CADM3: variants seen among roughly 807,000 people sequenced by gnomAD.
CADM3 encodes the protein cell adhesion molecule 3.
A neutral mutation model predicts 44.9 loss-of-function variants in CADM3; 11 were observed. The ratio of observed to expected loss-of-function variants is 0.25; its 90% confidence interval spans 0.15 to 0.41. CADM3 has a LOEUF of 0.41. CADM3 is among the 10% of genes least tolerant of loss of function. The pLI is 1.00. For synonymous variants in CADM3, 207 were observed against 205.2 expected, an observed-to-expected ratio of 1.01 and a Z score of -0.08; for missense variants, 426 against 512.0, an observed-to-expected ratio of 0.83 and a Z score of 1.62.
chr1:159,173,026 G>A (rs1364286127), intron 1 of CADM3, among the ~76,000 whole-genome samples: 1 of 152,134 alleles, frequency 6.6e-6, no homozygotes, highest in African/African-American at 2.4e-5. Flanking sequence ...TGTCGGAAGA[G>A]GAGGAGGGCT....
chr1:159,177,249 A>C (rs1443909862), intron 1 of CADM3, among the ~76,000 whole-genome samples: 2 of 152,136 alleles, frequency 1.3e-5, no homozygotes, highest in African/African-American at 2.4e-5. Context: ...TTTTCAGCAC[A>C]GTCTCTTGAC....
intron 2 of CADM3, 141 bp from the exon 3 acceptor site, chr1:159,192,437 A>T: frequency 2.2e-6 from 2 of 895,540 alleles, no homozygotes; most frequent in East Asian, 2.6e-5. Context: ...TAACTTAAAG[A>T]CTGCTTAAAC....
chr1:159,182,202 C>A (rs1476000234), intron 1 of CADM3, among the ~76,000 whole-genome samples: 1 of 152,148 alleles, frequency 6.6e-6, no homozygotes, highest in Non-Finnish European at 1.5e-5. Flanking sequence ...GCCGGTAAAG[C>A]CCTGAAGTGT....
intron 2 of CADM3, 39 bp downstream of exon 2, chr1:159,192,115 G>A (rs1571019291): frequency 6.2e-7 from 1 of 1,607,948 alleles, no homozygotes; most frequent in Non-Finnish European, 8.5e-7. Flanking sequence ...TGAAAACCAT[G>A]GGCTAGAGAA....
At chr1:159,191,645 G>T (rs559463853) in intron 1 of CADM3, among the ~76,000 whole-genome samples, 2 of 152,326 alleles carry the variant, frequency 1.3e-5, no homozygotes, top group South Asian at 4.1e-4. Context: ...TGCAGATTTG[G>T]GGTGCCTTTA....
chr1:159,196,138 G>A (rs770122879), intron 5 of CADM3: 64 of 522,448 alleles, frequency 1.2e-4, no homozygotes, highest in Non-Finnish European at 2.2e-4. Flanking sequence ...GGCCCACCAA[G>A]GACAGACCTT....
intron 1 of CADM3, among the ~76,000 whole-genome samples, chr1:159,185,885 C>T (rs1365368076): frequency 1.3e-5 from 2 of 152,142 alleles, no homozygotes; most frequent in African/African-American, 4.8e-5. Context: ...ATGCATCAGA[C>T]CCTACCTATG....
At chr1:159,199,606 G>T in intron 7 of CADM3, 145 bp from the exon 8 acceptor site, 2 of 981,068 alleles carry the variant, frequency 2.0e-6, no homozygotes, top group Non-Finnish European at 3.2e-6. Flanking sequence ...ATAAGCACAA[G>T]ATAAGGCATG....
At chr1:159,196,220 T>G in intron 5 of CADM3, 144 bp from the exon 6 acceptor site, 1 of 617,980 alleles carries the variant, frequency 1.6e-6, no homozygotes, top group Non-Finnish European at 2.9e-6. Flanking sequence ...TCCTTGTTCA[T>G]GAGAAGTAGG....
In CADM3 at chr1:159,197,069, T is replaced by C. The variant is rs200434362; in HGVS notation, c.952+9T>C. 6.2e-7 allele frequency: 1 copy of C among 1,611,908 alleles called. No homozygotes were observed. The highest frequency in any genetic ancestry group is 8.5e-7 in the Non-Finnish European group (1 of 1,178,406). ...CACCCTCAATGTTAATGGTAAGCCC[T>C]CCTCAGTTCTCTTCCTCCAGAATCT... On this transcript the variant is annotated intron_variant, in intron 7 of 8. Coordinates refer to ENST00000368125, the MANE Select transcript of CADM3 (RefSeq NM_001127173.3).
intron 1 of CADM3, among the ~76,000 whole-genome samples, chr1:159,183,662 G>A (rs1398546805): frequency 1.3e-5 from 2 of 152,054 alleles, no homozygotes; most frequent in African/African-American, 2.4e-5. Context: ...TCCCTGAGGA[G>A]CAATGAAAAA....
chr1:159,180,506 T>C (rs34702074), intron 1 of CADM3, among the ~76,000 whole-genome samples: 3 of 152,206 alleles, frequency 2.0e-5, no homozygotes, highest in Non-Finnish European at 4.4e-5. Flanking sequence ...AGAATGTATC[T>C]ATTTCACAGA....
In CADM3 at chr1:159,201,042, C is replaced by G; in HGVS notation, c.*120C>G. 1 of 553,364 alleles carries G rather than the reference C, an allele frequency of 1.8e-6. No homozygotes were observed. The highest frequency in any genetic ancestry group is 3.1e-6 in the Non-Finnish European group (1 of 322,588). 34.3% of individuals were successfully genotyped at this position (553,364 alleles called of 1,614,324 possible). On this transcript the variant is annotated 3_prime_UTR_variant, in exon 9 of 9. Coordinates refer to ENST00000368125, the MANE Select transcript of CADM3 (RefSeq NM_001127173.3). ...CCCCTCCCGCTTGCTCCCCAGCCCA[C>G]CCACCCCCCTGTACAGAATGTCTGC...
chr1:159,187,216 C>A (rs1649452294), intron 1 of CADM3, among the ~76,000 whole-genome samples: 1 of 152,200 alleles, frequency 6.6e-6, no homozygotes, highest in African/African-American at 2.4e-5. Context: ...CCAAGTGTGG[C>A]TGAATGAATT....
Position 159,199,870 on chromosome 1 carries a change from C to T in CADM3, c.1072C>T (p.His358Tyr), listed in dbSNP as rs1338483236. The change falls in exon 8 of 9, where the codon CAC (histidine) becomes TAC (tyrosine). Residue 358 changes from histidine (H) to tyrosine (Y), a missense_variant. By Grantham distance (83) the His-to-Tyr change is moderately conservative (BLOSUM62 2). This residue lies in a region of CADM3 where 362 missense variants were observed against 474.6 expected (regional missense o/e 0.76). Coordinates refer to ENST00000368125, the MANE Select transcript of CADM3 (RefSeq NM_001127173.3). ...LIFLGHYLIR[H>Y]KGTYLTHEAK... is the part of the protein sequence containing the mutation. ...CTTCCTTGGCCACTACTTGATCCGG[C>T]ACAAAGGTCAGAGGCACAAAGAGAG... is the stretch of plus-strand genomic sequence containing the variant. 2 of 1,613,806 alleles carry T rather than the reference C, an allele frequency of 1.2e-6. No homozygotes were observed. The highest frequency in any genetic ancestry group is 1.7e-6 in the Non-Finnish European group (2 of 1,179,904).
chr1:159,178,924 T>A (rs1649129078), intron 1 of CADM3, among the ~76,000 whole-genome samples: 1 of 152,212 alleles, frequency 6.6e-6, no homozygotes, highest in Non-Finnish European at 1.5e-5. Context: ...CAGCAGAGTC[T>A]AGTTGGAGAG....
chr1:159,192,654 G>A lies in CADM3; in HGVS notation c.306G>A (p.Leu102=). ...GCATCAGCATCAGCAATGTGGCCCT[G>A]GCAGACGAGGGCGAGTACACCTGCT... ...ELSISISNVA[L]ADEGEYTCSI... Residue 102 remains leucine, a synonymous_variant, in exon 3 of 9, where the codon CTG becomes CTA. Transcript: ENST00000368125. The A allele has an allele frequency of 6.2e-7, 1 of 1,614,140 alleles. No individual in the cohort carries two copies. The highest frequency in any genetic ancestry group is 8.5e-7 in the Non-Finnish European group (1 of 1,180,022).
At chr1:159,192,449 C>G (rs1649704253) in intron 2 of CADM3, 129 bp from the exon 3 acceptor site, 2 of 1,017,758 alleles carry the variant, frequency 2.0e-6, no homozygotes, top group African/African-American at 3.2e-5. Context: ...TGCTTAAACT[C>G]AGGAGCAGTT....
Position 159,171,676 on chromosome 1 carries a change from G to A in CADM3, c.-90G>A. ...GAAGCGGCTCGGGGGCGCCCTTTCGGTCAACATCGTAGTCCACCCCCTCCC... is the reference window on the plus strand; with the variant it reads ...GAAGCGGCTCGGGGGCGCCCTTTCGATCAACATCGTAGTCCACCCCCTCCC... On this transcript the variant is annotated 5_prime_UTR_variant, in exon 1 of 9. Coordinates refer to ENST00000368125, the MANE Select transcript of CADM3 (RefSeq NM_001127173.3). 8 of 1,027,280 alleles carry A rather than the reference G, an allele frequency of 7.8e-6. No homozygotes were observed. Among genetic ancestry groups the A allele is most frequent in the Admixed American group, 8.5e-5 (2 of 23,424 alleles). 63.6% of individuals were successfully genotyped at this position (1,027,280 alleles called of 1,614,324 possible).
Sources: allele counts gnomAD v4.1 joint callset (sites outside exome capture counted in the v4.1 genomes callset), GRCh38; gene constraint gnomAD v4.1.1; regional missense constraint gnomAD v4.1.1; transcripts MANE v1.5; gene names NCBI Gene and HGNC (gene_info 2026-07-23, HGNC 2026-07-21).